SCCPDH: variants seen among roughly 807,000 people sequenced by gnomAD.
SCCPDH encodes the protein saccharopine dehydrogenase-like oxidoreductase.
SCCPDH carries 34 observed loss-of-function variants against 51.5 expected under a neutral mutation model. That is an observed-to-expected ratio of 0.66 (90% CI 0.50 to 0.88). The LOEUF (loss-of-function observed/expected upper bound fraction) is 0.88, where lower values mean the gene tolerates loss of function less well. SCCPDH is among the 40% of genes least tolerant of loss of function. The probability of loss-of-function intolerance (pLI) is 0.00; values close to 1 mark genes in which losing one functional copy is unlikely to be tolerated. For synonymous variants in SCCPDH, 187 were observed against 191.3 expected, an observed-to-expected ratio of 0.98 and a Z score of 0.19; for missense variants, 464 against 527.1, an observed-to-expected ratio of 0.88 and a Z score of 1.17.
At chr1:246,729,018 C>T (rs28628394) in intron 2 of SCCPDH, among the ~76,000 whole-genome samples, 3,961 of 152,216 alleles carry the variant, frequency 0.026, 170 homozygotes, top group African/African-American at 0.09. Flanking sequence ...TGACAGGTTC[C>T]GTGGTGCCCC....
intron 5 of SCCPDH, among the ~76,000 whole-genome samples, chr1:246,751,352 A>C (rs550712887): frequency 1.3e-5 from 2 of 152,190 alleles, no homozygotes; most frequent in Non-Finnish European, 2.9e-5. Flanking sequence ...TTGTGCTTTT[A>C]TTTTAATGTC....
chr1:246,742,668 C>A (rs1187811719), intron 4 of SCCPDH, among the ~76,000 whole-genome samples: 1 of 152,108 alleles, frequency 6.6e-6, no homozygotes, highest in Non-Finnish European at 1.5e-5. Context: ...TTGTTGATGA[C>A]GTGGTTATTT....
chr1:246,740,000 C>T (rs182292720), intron 3 of SCCPDH, among the ~76,000 whole-genome samples, 172 bp from the exon 4 acceptor site: 128 of 152,178 alleles, frequency 8.4e-4, no homozygotes, highest in African/African-American at 3.0e-3. Context: ...GTGCAGTAGG[C>T]GCTGTATTTG....
chr1:246,728,684 T>A (rs1479876718), intron 2 of SCCPDH, among the ~76,000 whole-genome samples: 1 of 151,316 alleles, frequency 6.6e-6, no homozygotes, highest in Non-Finnish European at 1.5e-5. Context: ...TTTATTTTTC[T>A]TTTTTTTTAA....
rs979212633 is a variant in SCCPDH, at chr1:246,728,588, C to G, written c.303+1584C>G. On this transcript the variant is annotated intron_variant, in intron 2 of 11. Transcript: ENST00000366510. ...CTCTGCTCTATTTCCCTCAGGAATT[C>G]TCTCTCCTGCTCTCTGAAGCAGCTC... 1.3e-4 allele frequency among the ~76,000 whole-genome samples: 20 copies of G among 152,364 alleles called. 1 individual carries two copies. The highest frequency in any genetic ancestry group is 2.9e-4 in the Non-Finnish European group (20 of 68,038).
At chr1:246,743,474 T>A (rs1024480524) in intron 4 of SCCPDH, among the ~76,000 whole-genome samples, 3 of 151,902 alleles carry the variant, frequency 2.0e-5, no homozygotes, top group African/African-American at 7.3e-5. Flanking sequence ...TCCCAGCTAC[T>A]TGGGAGGCTG....
At chr1:246,765,450 C>T (rs1669073570) in intron 10 of SCCPDH, among the ~76,000 whole-genome samples, 1 of 152,178 alleles carries the variant, frequency 6.6e-6, no homozygotes, top group Admixed American at 6.5e-5. Context: ...TTCTGAAATT[C>T]CCACCTGACT....
At chr1:246,744,228 A>C in intron 5 of SCCPDH, 103 bp downstream of exon 5, 1 of 532,644 alleles carries the variant, frequency 1.9e-6, no homozygotes, top group Non-Finnish European at 3.3e-6. Flanking sequence ...AATGTGTGAA[A>C]GTCACCATGT....
intron 5 of SCCPDH, among the ~76,000 whole-genome samples, chr1:246,757,268 T>G (rs915656300): frequency 1.4e-5 from 2 of 142,254 alleles, no homozygotes; most frequent in Non-Finnish European, 3.0e-5. Context: ...TGCTTGAACC[T>G]AGGAGGCAGA....
At position 246,762,818 on chromosome 1, in the gene SCCPDH, GC is replaced by G. The variant is rs546580360; in HGVS notation, c.991-1427del. On this transcript the variant is annotated intron_variant, in intron 9 of 11. Transcript: ENST00000366510. ...ATCACACCACTGCACTCCAGCCTGG[GC>G]AACACAGCGAGATTCCTTCTCCAAA... Among the ~76,000 whole-genome samples, 137 of 146,270 alleles carry G rather than the reference GC, an allele frequency of 9.4e-4. 2 individuals carry two copies. The highest frequency in any genetic ancestry group is 3.4e-3 in the African/African-American group (132 of 39,254).
intron 5 of SCCPDH, among the ~76,000 whole-genome samples, chr1:246,748,795 A>G (rs889848316): frequency 6.6e-6 from 1 of 152,188 alleles, no homozygotes; most frequent in African/African-American, 2.4e-5. Flanking sequence ...TCATGTTGAC[A>G]GAATGCTAGG....
chr1:246,755,886 G>A (rs1668923560), intron 5 of SCCPDH: 1 of 152,162 alleles, frequency 6.6e-6, no homozygotes, highest in Non-Finnish European at 1.5e-5. Flanking sequence ...CAAGTTGGCA[G>A]GAACAGCAAG....
intron 2 of SCCPDH, among the ~76,000 whole-genome samples, chr1:246,730,186 T>A (rs1329634540): frequency 1.3e-5 from 2 of 152,196 alleles, no homozygotes; most frequent in African/African-American, 4.8e-5. Flanking sequence ...CCTATTGGGC[T>A]TTTGTTTTCC....
intron 5 of SCCPDH, among the ~76,000 whole-genome samples, chr1:246,757,536 A>G (rs368208194): frequency 2.4e-4 from 37 of 152,176 alleles, no homozygotes; most frequent in African/African-American, 8.4e-4. Context: ...TCAGTGAATA[A>G]ATGAGAGTCT....
At chr1:246,755,234 A>G (rs1176365352) in intron 5 of SCCPDH, among the ~76,000 whole-genome samples, 1 of 152,226 alleles carries the variant, frequency 6.6e-6, no homozygotes, top group Non-Finnish European at 1.5e-5. Context: ...TTATAATCTC[A>G]TGCAATTCCC....
At chr1:246,743,566 A>G (rs904003722) in intron 4 of SCCPDH, among the ~76,000 whole-genome samples, 2 of 151,378 alleles carry the variant, frequency 1.3e-5, no homozygotes, top group East Asian at 2.0e-4. Context: ...TCAGCCTGGG[A>G]GACAGACTCT....
chr1:246,742,086 A>G (rs1023257270), intron 4 of SCCPDH, among the ~76,000 whole-genome samples: 2 of 152,212 alleles, frequency 1.3e-5, no homozygotes, highest in Admixed American at 6.5e-5. Context: ...TGAATGAATG[A>G]ACGAATGAAT....
At chr1:246,740,103 A>C in intron 3 of SCCPDH, 69 bp from the exon 4 acceptor site, 1 of 1,251,456 alleles carries the variant, frequency 8.0e-7, no homozygotes, top group Admixed American at 2.4e-5. Context: ...GTTTTTAAAG[A>C]TAAATTATTT....
At chr1:246,765,988 T>C in intron 10 of SCCPDH, 70 bp from the exon 11 acceptor site, 1 of 1,010,372 alleles carries the variant, frequency 9.9e-7, no homozygotes. Flanking sequence ...ATCTACCATT[T>C]GATTTTTGAT....
Sources: gnomAD v4.1 joint callset for allele counts (sites outside exome capture counted in the v4.1 genomes callset) on GRCh38, gnomAD v4.1.1 for gene constraint, MANE v1.5 for transcripts, NCBI Gene and HGNC (gene_info 2026-07-23, HGNC 2026-07-21) for gene names.